The following MYO18B variants were observed in gnomAD, a reference collection of about 807,000 sequenced individuals.
MYO18B encodes unconventional myosin-XVIIIb.
MYO18B carries 204 observed loss-of-function variants against 273.0 expected under a neutral mutation model. The observed-to-expected ratio is 0.75, with a 90% CI of 0.67 to 0.84. MYO18B has a LOEUF of 0.84. Ranked by LOEUF, MYO18B falls within the 40% of genes least tolerant of loss-of-function variation. The pLI, the probability that MYO18B is intolerant of heterozygous loss-of-function variation, is 0.00. For synonymous variants in MYO18B, 1,330 were observed against 1,305.7 expected (o/e 1.02, Z -0.40); for missense variants, 3,212 against 3,287.6 (o/e 0.98, Z 0.56).
intron 21 of MYO18B, among the ~76,000 whole-genome samples, chr22:25,852,301 GT>G (rs2090448638): frequency 6.6e-6 from 1 of 152,136 alleles, no homozygotes; most frequent in Admixed American, 6.5e-5. Flanking sequence ...ACATCCTCTT[GT>G]TTTGATGTTT....
At chr22:25,941,209 G>A (rs1480606358) in intron 34 of MYO18B, among the ~76,000 whole-genome samples, 2 of 152,112 alleles carry the variant, frequency 1.3e-5, no homozygotes, top group South Asian at 2.1e-4. Context: ...ACACTAGGTC[G>A]GGAGACAGAT....
intron 21 of MYO18B, 24 bp downstream of exon 21, chr22:25,851,603 G>C (rs1447259848): frequency 6.8e-7 from 1 of 1,475,696 alleles, no homozygotes; most frequent in East Asian, 2.5e-5. Context: ...ATGCGAGAGG[G>C]GTGAAGGCCC....
At chr22:25,853,813 G>T (rs2090491374) in intron 21 of MYO18B, among the ~76,000 whole-genome samples, 1 of 152,238 alleles carries the variant, frequency 6.6e-6, no homozygotes, top group Non-Finnish European at 1.5e-5. Flanking sequence ...GGACTTGGTT[G>T]GGAATTTTTG....
At chr22:25,868,427 A>AGGTCATCTCT in intron 22 of MYO18B, 42 bp downstream of exon 22, 1 of 1,511,766 alleles carries the variant, frequency 6.6e-7, no homozygotes, top group Non-Finnish European at 9.0e-7. Context: ...CCATCACATC[A>AGGTCATCTCT]GGGACCCAGA....
chr22:25,869,247 G>A (rs530157555), intron 22 of MYO18B, among the ~76,000 whole-genome samples: 51 of 152,052 alleles, frequency 3.4e-4, no homozygotes, highest in Non-Finnish European at 5.1e-4. Flanking sequence ...TCAGGAGTTC[G>A]AGACCAGCCT....
intron 11 of MYO18B, among the ~76,000 whole-genome samples, chr22:25,793,849 A>G (rs5761188): frequency 0.74 from 112,327 of 152,186 alleles, 41,581 homozygotes; most frequent in East Asian, 0.86. Flanking sequence ...ATTTTTAAAA[A>G]TTGAGGTAAA....
chr22:26,000,040 C>G (rs2146895749), intron 40 of MYO18B, among the ~76,000 whole-genome samples: 1 of 152,320 alleles, frequency 6.6e-6, no homozygotes, highest in Non-Finnish European at 1.5e-5. Flanking sequence ...GACAGCTGTA[C>G]CACCAAATGA....
At position 25,898,290 on chromosome 22, in the gene MYO18B, T is replaced by A. The variant is rs2091855106; in HGVS notation, c.4669-17T>A. ...CATGCCCACAGAGCCGGGTAATTCATTCTATTACTCTTACAGCTTGGGGAG... is the reference window on the plus strand; with the variant it reads ...CATGCCCACAGAGCCGGGTAATTCAATCTATTACTCTTACAGCTTGGGGAG... On this transcript the variant is annotated splice_polypyrimidine_tract_variant and intron_variant, in intron 28 of 43. Coordinates refer to ENST00000335473, the MANE Select transcript of MYO18B (RefSeq NM_032608.7). 6.2e-7 allele frequency: 1 copy of A among 1,607,558 alleles called. No individual in the cohort carries two copies. Among genetic ancestry groups the A allele is most frequent in the Admixed American group, 1.7e-5 (1 of 58,430 alleles).
intron 12 of MYO18B, among the ~76,000 whole-genome samples, chr22:25,822,834 T>C (rs1055306177): frequency 2.6e-5 from 4 of 152,250 alleles, no homozygotes; most frequent in African/African-American, 9.6e-5. Flanking sequence ...CTGGGGGGAC[T>C]ACATGCATCA....
At chr22:25,820,922 A>G (rs2089254148) in intron 12 of MYO18B, among the ~76,000 whole-genome samples, 1 of 152,166 alleles carries the variant, frequency 6.6e-6, no homozygotes, top group South Asian at 2.1e-4. Flanking sequence ...TATGAATAAG[A>G]ACATGTGATA....
chr22:25,900,577 A>G (rs1053335578), intron 29 of MYO18B: 3 of 152,276 alleles, frequency 2.0e-5, no homozygotes, highest in Admixed American at 1.3e-4. Flanking sequence ...CTGAGGGCTG[A>G]TGAAATTCCG....
rs1361474245 is a variant in MYO18B at position 26,027,316 on chromosome 22, A to C, written c.7342A>C (p.Ile2448Leu). 6.2e-7 allele frequency: 1 copy of C among 1,613,998 alleles called. No homozygotes were observed. Residue 2448 changes from isoleucine to leucine, a missense_variant, in exon 43 of 44, where the codon ATC becomes CTC. By Grantham distance (5) the Ile-to-Leu change is conservative (BLOSUM62 2). Coordinates refer to ENST00000335473, the MANE Select transcript of MYO18B (RefSeq NM_032608.7). This position sits in a 1 kb window ranked among gnomAD's most constrained non-coding sequence, Gnocchi z 4.1. ...GGACTTCGATGACTTCCTCCCAGCT[A>C]TCCGGAAGCCCCAGACACCTACCTC... ...KVDFDDFLPA[I>L]RKPQTPTSLA... is the part of the protein sequence containing the mutation.
At chr22:25,760,909 G>C in intron 1 of MYO18B, 75 bp from the exon 2 acceptor site, 1 of 653,912 alleles carries the variant, frequency 1.5e-6, no homozygotes, top group Non-Finnish European at 2.7e-6. Context: ...TGGCGTTGGT[G>C]GGGGTGGGAG....
intron 11 of MYO18B, 149 bp downstream of exon 11, chr22:25,785,640 G>T: frequency 1.3e-6 from 1 of 745,260 alleles, no homozygotes; most frequent in Non-Finnish European, 2.3e-6. Flanking sequence ...CACTGCCTTT[G>T]TAGGGTCTCG....
chr22:25,995,844 AG>A (rs1242618718), intron 40 of MYO18B, among the ~76,000 whole-genome samples: 1 of 152,150 alleles, frequency 6.6e-6, no homozygotes, highest in African/African-American at 2.4e-5. Flanking sequence ...TAGGGACTTA[AG>A]TCTTCCTCCC....
At chr22:25,828,734 C>G (rs1345897236) in intron 14 of MYO18B, 42 bp from the exon 15 acceptor site, 1 of 1,577,626 alleles carries the variant, frequency 6.3e-7, no homozygotes, top group Admixed American at 1.7e-5. Flanking sequence ...CTCCTAGATT[C>G]CATGCCATCT....
intron 42 of MYO18B, among the ~76,000 whole-genome samples, chr22:26,017,967 GTTT>G (rs869143722): frequency 2.0e-4 from 2 of 9,782 alleles, no homozygotes. Flanking sequence ...TTACTGTTTT[GTTT>G]TTTTTTTTTT....
Position 25,876,042 on chromosome 22 carries a change from G to GTGTGTGTGTA in MYO18B, c.4081-144_4081-143insGTGTGTATGT, listed in dbSNP as rs2091185513. The GTGTGTGTGTA allele has an allele frequency of 1.1e-5, 5 of 446,244 alleles. No homozygotes were observed. The South Asian group carries it at 1.2e-4, about 11-fold the overall frequency. 27.6% of individuals were successfully genotyped at this position (446,244 alleles called of 1,614,324 possible). On this transcript the variant is annotated intron_variant, in intron 23 of 43. Transcript: ENST00000335473. ...TGTGTGTGTGTGTGTGTGTGTGTGTGTGTATGTGTTTTAAGGTATCCAGTC... is the reference window on the plus strand; with the variant it reads ...TGTGTGTGTGTGTGTGTGTGTGTGTGTGTGTGTGTATGTATGTGTTTTAAGGTATCCAGTC...
At chr22:25,934,524 G>A (rs1212145039) in intron 34 of MYO18B, among the ~76,000 whole-genome samples, 11 of 152,108 alleles carry the variant, frequency 7.2e-5, no homozygotes, top group African/African-American at 2.2e-4. Flanking sequence ...GAGGACGTGC[G>A]CCTGTGACAG....
Sources: allele counts gnomAD v4.1 joint callset (sites outside exome capture counted in the v4.1 genomes callset), GRCh38; gene constraint gnomAD v4.1.1; non-coding constraint Gnocchi (gnomAD v3.1); transcripts MANE v1.5; gene names NCBI Gene and HGNC (gene_info 2026-07-23, HGNC 2026-07-21).